Variants in TAB2 observed in about 807,000 individuals in gnomAD.
The protein encoded by TAB2 is TGF-beta-activated kinase 1 and MAP3K7-binding protein 2.
TAB2 carries 3 observed loss-of-function variants against 65.0 expected under a neutral mutation model. That is an observed-to-expected ratio of 0.05 (90% CI 0.02 to 0.12). TAB2 has a LOEUF of 0.12. Ranked by LOEUF, TAB2 falls within the 10% of genes least tolerant of loss-of-function variation. The pLI, the probability that TAB2 is intolerant of heterozygous loss-of-function variation, is 1.00. For synonymous variants in TAB2, 298 were observed against 285.1 expected (o/e 1.05, Z -0.46); for missense variants, 623 against 840.3 (o/e 0.74, Z 3.20).
chr6:149,234,600 C>T (rs971375464), intron 1 of TAB2, among the ~76,000 whole-genome samples: 1 of 152,164 alleles, frequency 6.6e-6, no homozygotes, highest in Non-Finnish European at 1.5e-5. Flanking sequence ...TTGCAAATGA[C>T]GCTGTCAGCC....
chr6:149,272,639 C>T (rs1057224179), intron 1 of TAB2, among the ~76,000 whole-genome samples: 7 of 152,184 alleles, frequency 4.6e-5, no homozygotes, highest in South Asian at 4.1e-4. Flanking sequence ...ATAATCTTCT[C>T]ATCTCAAGAT....
At chr6:149,384,727 A>G (rs1231315809) in intron 3 of TAB2, among the ~76,000 whole-genome samples, 1 of 152,338 alleles carries the variant, frequency 6.6e-6, no homozygotes, top group Admixed American at 6.5e-5. Context: ...ATTCTGAGAC[A>G]TTCTAGTGTC....
chr6:149,285,251 C>T (rs1025205028), intron 1 of TAB2, among the ~76,000 whole-genome samples: 2 of 152,144 alleles, frequency 1.3e-5, no homozygotes, highest in African/African-American at 4.8e-5. Flanking sequence ...TAGTTATTGC[C>T]AACAGTACCC....
chr6:149,223,113 T>C (rs1777189176), intron 1 of TAB2, among the ~76,000 whole-genome samples: 1 of 152,224 alleles, frequency 6.6e-6, no homozygotes, highest in Admixed American at 6.5e-5. Context: ...TTGAAATATA[T>C]TGAGTTTACA....
At chr6:149,218,342 G>T (rs1777065582), upstream of TAB2, among the ~76,000 whole-genome samples, 1 of 151,972 alleles carries the variant, frequency 6.6e-6, no homozygotes, top group Non-Finnish European at 1.5e-5. Context: ...GTTTATTCAG[G>T]GAAAAGGATT....
intron 1 of TAB2, among the ~76,000 whole-genome samples, chr6:149,305,171 A>G (rs1583074634): frequency 6.6e-6 from 1 of 152,314 alleles, no homozygotes; most frequent in South Asian, 2.1e-4. Context: ...CGGTCTTTCC[A>G]AGTTTGGAAA....
At chr6:149,400,161 A>G (rs962916829) in intron 6 of TAB2, 5 of 562,052 alleles carry the variant, frequency 8.9e-6, no homozygotes. Context: ...ACTCACAAGG[A>G]GTTGTATGAA....
intron 1 of TAB2, 77 bp from the exon 2 acceptor site, chr6:149,369,832 G>T: frequency 3.1e-6 from 2 of 642,634 alleles, no homozygotes; most frequent in Non-Finnish European, 5.5e-6. Flanking sequence ...ATATTCTTTT[G>T]TACTGAAATT....
chr6:149,300,814 A>G (rs567049), intron 1 of TAB2, among the ~76,000 whole-genome samples: 78,988 of 152,088 alleles, frequency 0.52, 23,284 homozygotes, highest in African/African-American at 0.82. Flanking sequence ...CCATACCATT[A>G]GTTCTTAGCT....
chr6:149,290,638 A>G (rs1778758849), intron 1 of TAB2, among the ~76,000 whole-genome samples: 1 of 152,016 alleles, frequency 6.6e-6, no homozygotes, highest in Non-Finnish European at 1.5e-5. Context: ...GAGCTCAGGA[A>G]TTTGAGACCA....
At position 149,279,250 on chromosome 6, in the gene TAB2, C is replaced by G. The variant is rs558667900; in HGVS notation, c.-121+60474C>G. On this transcript the variant is annotated intron_variant, in intron 1 of 1. Coordinates refer to the TAB2 transcript ENST00000606202. ...ACTGTGTACCACATCCTCCTTCAAA[C>G]TTGCTCCATGTGGTTTCAGCTCCAC... is the stretch of plus-strand genomic sequence containing the variant. 2.6e-5 allele frequency among the ~76,000 whole-genome samples: 4 copies of G among 152,342 alleles called. No individual in the cohort carries two copies. The South Asian group carries it at 8.3e-4, about 32-fold the overall frequency.
rs998129689 is a variant in TAB2, at chr6:149,379,231, A to G, written c.1316A>G (p.Lys439Arg). The change falls in exon 3 of 7, where the codon AAA (lysine) becomes AGA (arginine). Residue 439 changes from lysine to arginine, a missense_variant. Lys to Arg is a conservative substitution (Grantham distance 26). Transcript: ENST00000637181. ...GPAFIHHHPP[K>R]SRAIGNNSAT... Reference sequence around the variant, plus strand: ...GCCTTTATTCATCACCATCCTCCCAAAAGTCGAGCAATAGGCAATAACTCT... The same window carrying G: ...GCCTTTATTCATCACCATCCTCCCAGAAGTCGAGCAATAGGCAATAACTCT... 1 of 1,614,136 alleles carries G rather than the reference A, an allele frequency of 6.2e-7. No homozygotes were observed. The highest frequency in any genetic ancestry group is 8.5e-7 in the Non-Finnish European group (1 of 1,180,024).
intron 2 of TAB2, among the ~76,000 whole-genome samples, chr6:149,370,777 T>A (rs1781198253): frequency 6.6e-6 from 1 of 152,096 alleles, no homozygotes; most frequent in African/African-American, 2.4e-5. Flanking sequence ...ATCAGAAATG[T>A]ATTTGGGGCC....
chr6:149,290,044 C>T (rs1312574385), intron 1 of TAB2, among the ~76,000 whole-genome samples: 7 of 152,092 alleles, frequency 4.6e-5, no homozygotes, highest in African/African-American at 1.7e-4. Flanking sequence ...GATGAAGCCT[C>T]CAGGTAGCAG....
At chr6:149,409,524 T>G (rs1034676479) in intron 6 of TAB2, 53 bp from the exon 7 acceptor site, 6 of 1,558,684 alleles carry the variant, frequency 3.8e-6, no homozygotes, top group Non-Finnish European at 5.3e-6. Flanking sequence ...TGCCTGTAAT[T>G]TTTTAGACTT....
chr6:149,358,104 T>C (rs1023976093), intron 1 of TAB2, among the ~76,000 whole-genome samples: 8 of 152,218 alleles, frequency 5.3e-5, no homozygotes, highest in African/African-American at 1.7e-4. Context: ...TCTGCAGTTA[T>C]GTTCTCTCAG....
chr6:149,292,775 A>T (rs1397022254), intron 1 of TAB2, among the ~76,000 whole-genome samples: 1 of 152,210 alleles, frequency 6.6e-6, no homozygotes, highest in Non-Finnish European at 1.5e-5. Context: ...GTTAAGCAAC[A>T]ATGAGCTTTC....
intron 1 of TAB2, among the ~76,000 whole-genome samples, chr6:149,279,183 A>G (rs1416915451): frequency 6.6e-6 from 1 of 151,996 alleles, no homozygotes; most frequent in East Asian, 1.9e-4. Context: ...CTTACTGGAG[A>G]GTTTTCAGTG....
At chr6:149,397,828 T>C in intron 4 of TAB2, 64 bp downstream of exon 4, 1 of 1,595,704 alleles carries the variant, frequency 6.3e-7, no homozygotes, top group Non-Finnish European at 8.6e-7. Flanking sequence ...CTAACATAAG[T>C]GTAATATCTC....
Sources: allele counts gnomAD v4.1 joint callset (sites outside exome capture counted in the v4.1 genomes callset), GRCh38; gene constraint gnomAD v4.1.1; transcripts MANE v1.5; gene names NCBI Gene and HGNC (gene_info 2026-07-23, HGNC 2026-07-21).